Variants in DLGAP2 observed in about 807,000 individuals in gnomAD.
The protein encoded by DLGAP2 is disks large-associated protein 2.
DLGAP2 carries 26 observed loss-of-function variants against 100.3 expected under a neutral mutation model. That is an observed-to-expected ratio of 0.26 (90% CI 0.19 to 0.36). The LOEUF (loss-of-function observed/expected upper bound fraction) is 0.36. Among genes scored for constraint, DLGAP2 ranks in the 10% least tolerant of loss-of-function variants. DLGAP2 has a pLI of 1.00. For missense variants in DLGAP2, 1,858 were observed against 1,453.2 expected (o/e 1.28, Z -4.53); for synonymous variants, 886 against 630.1 (o/e 1.41, Z -6.08).
At chr8:930,842 T>A (rs184720914) in intron 2 of DLGAP2, among the ~76,000 whole-genome samples, 10 of 152,308 alleles carry the variant, frequency 6.6e-5, no homozygotes, top group Admixed American at 3.9e-4. Context: ...ATCCCGTTTA[T>A]TATGTAATGG....
intron 2 of DLGAP2, among the ~76,000 whole-genome samples, chr8:940,026 G>A (rs923321295): frequency 6.6e-6 from 1 of 152,154 alleles, no homozygotes; most frequent in Non-Finnish European, 1.5e-5. Flanking sequence ...CGGGATCTCC[G>A]TCTTTAAGGT....
chr8:1,283,554 G>A (rs1353174223), intron 3 of DLGAP2, among the ~76,000 whole-genome samples: 2 of 152,198 alleles, frequency 1.3e-5, no homozygotes, highest in Non-Finnish European at 2.9e-5. Flanking sequence ...ACTCGGCTTT[G>A]CTTCGTTATA....
At chr8:926,270 C>G (rs1042647861) in intron 2 of DLGAP2, among the ~76,000 whole-genome samples, 5 of 152,188 alleles carry the variant, frequency 3.3e-5, no homozygotes, top group African/African-American at 4.8e-5. Flanking sequence ...ACCATTCAGC[C>G]TGGCCAGGCC....
intron 2 of DLGAP2, among the ~76,000 whole-genome samples, chr8:1,049,780 G>A (rs964523519): frequency 6.6e-6 from 1 of 152,148 alleles, no homozygotes; most frequent in Admixed American, 6.5e-5. Context: ...ACAGGCACAT[G>A]CACACATGAG....
intron 1 of DLGAP2, among the ~76,000 whole-genome samples, chr8:829,992 C>G (rs1220721534): frequency 6.6e-6 from 1 of 152,116 alleles, no homozygotes; most frequent in African/African-American, 2.4e-5. Context: ...TATTTGAGTA[C>G]TTAATTATTT....
At chr8:1,111,999 G>A (rs1804972568) in intron 2 of DLGAP2, among the ~76,000 whole-genome samples, 1 of 151,906 alleles carries the variant, frequency 6.6e-6, no homozygotes, top group African/African-American at 2.4e-5. Flanking sequence ...TTTCCACAGG[G>A]GTTGAACTAC....
At chr8:1,408,078 G>A (rs1796623811) in intron 3 of DLGAP2, among the ~76,000 whole-genome samples, 1 of 152,348 alleles carries the variant, frequency 6.6e-6, no homozygotes, top group Admixed American at 6.5e-5. Context: ...CCCCCCAGGG[G>A]ATAGAATCGT....
At chr8:1,273,596 A>G (rs948083261) in intron 3 of DLGAP2, among the ~76,000 whole-genome samples, 1 of 152,182 alleles carries the variant, frequency 6.6e-6, no homozygotes, top group Non-Finnish European at 1.5e-5. Context: ...TCATGTGCAG[A>G]GGCAGCTCCA....
intron 1 of DLGAP2, among the ~76,000 whole-genome samples, chr8:759,787 C>G (rs377283188): frequency 2.0e-5 from 3 of 152,284 alleles, no homozygotes; most frequent in South Asian, 2.1e-4. Context: ...TCCCCTCTCT[C>G]GATAGAATTG....
At chr8:1,263,706 G>A (rs1465317323) in intron 3 of DLGAP2, among the ~76,000 whole-genome samples, 1 of 152,034 alleles carries the variant, frequency 6.6e-6, no homozygotes, top group Non-Finnish European at 1.5e-5. Flanking sequence ...AAAATGATAG[G>A]ATTGCTTCTT....
chr8:1,305,641 A>C (rs1337666100), intron 3 of DLGAP2, among the ~76,000 whole-genome samples: 7 of 152,222 alleles, frequency 4.6e-5, no homozygotes. Flanking sequence ...GATAAAAATT[A>C]CACTGAAAAC....
intron 1 of DLGAP2, among the ~76,000 whole-genome samples, chr8:853,594 C>T (rs1008420889): frequency 6.6e-6 from 1 of 152,164 alleles, no homozygotes; most frequent in Non-Finnish European, 1.5e-5. Context: ...TGGGACCCCC[C>T]ACGACATCCA....
chr8:1,681,047 AAAATTTAGGAGAGAGG>A (rs1326517235), intron 12 of DLGAP2, among the ~76,000 whole-genome samples: 2 of 152,132 alleles, frequency 1.3e-5, no homozygotes, highest in Non-Finnish European at 2.9e-5. Context: ...GAGAGAGGAA[AAAATTTAGGAGAGAGG>A]AAAAAATTTA....
chr8:1,336,275 A>G (rs149973597), intron 3 of DLGAP2, among the ~76,000 whole-genome samples: 1 of 152,356 alleles, frequency 6.6e-6, no homozygotes, highest in East Asian at 1.9e-4. Context: ...GAAACAGTCA[A>G]GCAACTCTGA....
chr8:969,255 C>T (rs1041598458), intron 2 of DLGAP2, among the ~76,000 whole-genome samples: 3 of 152,186 alleles, frequency 2.0e-5, no homozygotes, highest in African/African-American at 7.2e-5. Context: ...CCTGGGTCTC[C>T]AGCCTGCAGG....
chr8:1,372,140 AC>A (rs1157335818), intron 3 of DLGAP2, among the ~76,000 whole-genome samples: 2 of 152,078 alleles, frequency 1.3e-5, no homozygotes, highest in Non-Finnish European at 2.9e-5. Flanking sequence ...AGGCACCTAC[AC>A]AGGTGATAGG....
chr8:1,448,718 T>C (rs1798052671), intron 3 of DLGAP2, among the ~76,000 whole-genome samples: 1 of 152,242 alleles, frequency 6.6e-6, no homozygotes, highest in African/African-American at 2.4e-5. Flanking sequence ...CTATTGTTTT[T>C]AAATGTACTT....
chr8:1,276,523 G>A (rs1296959734), intron 3 of DLGAP2, among the ~76,000 whole-genome samples: 2 of 152,062 alleles, frequency 1.3e-5, no homozygotes, highest in Admixed American at 6.6e-5. Context: ...TCACATGTTC[G>A]GCCTTTGCTT....
intron 3 of DLGAP2, chr8:1,262,611 A>C (rs370998407): frequency 1.3e-5 from 2 of 152,210 alleles, no homozygotes; most frequent in African/African-American, 4.8e-5. Flanking sequence ...TGCCAATTTA[A>C]TACTAAGACG....
Sources: allele counts gnomAD v4.1 joint callset (sites outside exome capture counted in the v4.1 genomes callset), GRCh38; gene constraint gnomAD v4.1.1; transcripts MANE v1.5; gene names NCBI Gene and HGNC (gene_info 2026-07-23, HGNC 2026-07-21).